The following PLEKHH3 variants were observed in gnomAD, a reference collection of about 807,000 sequenced individuals.
The protein encoded by PLEKHH3 is pleckstrin homology domain-containing family H member 3.
In PLEKHH3, 57 loss-of-function variants were observed where a neutral mutation model predicts 77.8. That is an observed-to-expected ratio of 0.73 (90% CI 0.59 to 0.91). The LOEUF (loss-of-function observed/expected upper bound fraction) is 0.91. PLEKHH3 is among the 40% of genes least tolerant of loss of function. PLEKHH3 has a pLI of 0.00. For synonymous variants in PLEKHH3, 467 were observed against 504.8 expected, an observed-to-expected ratio of 0.93 and a Z score of 1.00; for missense variants, 1,082 against 1,091.2, an observed-to-expected ratio of 0.99 and a Z score of 0.12.
In PLEKHH3 at chr17:42,671,483, G is replaced by T. The variant is rs769761569; in HGVS notation, c.1152C>A (p.Arg384=). Residue 384 remains arginine, a synonymous_variant, in exon 8 of 13, where the codon CGC becomes CGA. Transcript: ENST00000591022. The surrounding 1 kb of genome is among the most constrained non-coding windows in gnomAD (Gnocchi z 4.7). ...CCAGCGAGGGCACCAGCTCTCTGCC[G>T]CGCGTCCGGCCCAGCGCTTTCCGGA... ...RFIRKALGRT[R]GRELVPSLAE... 2 of 1,612,940 alleles carry T rather than the reference G, an allele frequency of 1.2e-6. No individual in the cohort carries two copies. The highest frequency in any genetic ancestry group is 2.7e-5 in the African/African-American group (2 of 74,912).
chr17:42,674,472 C>T (rs2143602784), intron 1 of PLEKHH3, 63 bp from the exon 2 acceptor site: 1 of 1,467,082 alleles, frequency 6.8e-7, no homozygotes, highest in Non-Finnish European at 9.2e-7. Flanking sequence ...TTCGTGCCTT[C>T]TGCCCTCAGG....
rs969863146 is a variant in PLEKHH3 at position 42,672,388 on chromosome 17, C to G, written c.774G>C (p.Pro258=). The change falls in exon 7 of 13, where the codon CCG becomes CCC. Residue 258 remains proline (P), a synonymous_variant. Transcript: ENST00000591022. ...CCTCCTCGCGCAGGGGTGCATAGCC[C>G]GGACCTGTGGGAGGGTGGGGGCGGA... ...PLPYGVSAPG[P]GYAPLREEAV... 27 of 1,513,522 alleles carry G rather than the reference C, an allele frequency of 1.8e-5. No individual in the cohort carries two copies. In the African/African-American group the frequency reaches 2.9e-4, roughly 16 times the overall value. The allele number at this position is 1,513,522 out of a possible 1,614,324, so 93.8% of individuals were successfully genotyped here.
Position 42,676,316 on chromosome 17 carries a change from G to A in PLEKHH3, c.162+86C>T, listed in dbSNP as rs796243002. 16 of 1,571,972 alleles carry A rather than the reference G, an allele frequency of 1.0e-5. No individual in the cohort carries two copies. Among genetic ancestry groups the A allele is most frequent in the Non-Finnish European group, 1.4e-5 (16 of 1,157,996 alleles). On this transcript the variant is annotated intron_variant, in intron 1 of 12. Coordinates refer to ENST00000591022, the MANE Select transcript of PLEKHH3 (RefSeq NM_024927.5). The surrounding 1 kb of genome is among the most constrained non-coding windows in gnomAD (Gnocchi z 6.6). Reference sequence around the variant, plus strand: ...ATCCCTAGTTCGCCAAGCGCGCAGCGTGTGGCTGGAGGCTGGAGCGGATCA... The same window carrying A: ...ATCCCTAGTTCGCCAAGCGCGCAGCATGTGGCTGGAGGCTGGAGCGGATCA...
In PLEKHH3 at chr17:42,676,602, G is replaced by C; in HGVS notation, c.-39C>G. ...TGCGGATGGGGGCGCGGGCAGCCGC[G>C]GCCGAGCAGTAGGGGGTCGGAGGAA... On this transcript the variant is annotated 5_prime_UTR_variant, in exon 1 of 13. Transcript: ENST00000591022. The surrounding 1 kb of genome is among the most constrained non-coding windows in gnomAD (Gnocchi z 6.6). 6.5e-7 allele frequency: 1 copy of C among 1,539,216 alleles called. No individual in the cohort carries two copies. The highest frequency in any genetic ancestry group is 1.2e-5 in the South Asian group (1 of 84,024).
rs1254414712 is a variant in PLEKHH3 at position 42,676,514 on chromosome 17, A to G, written c.50T>C (p.Phe17Ser). The change falls in exon 1 of 13, where the codon TTC becomes TCC. Residue 17 changes from phenylalanine (F) to serine (S), a missense_variant. By Grantham distance (155) the Phe-to-Ser change is radical. This residue lies in a region of PLEKHH3 where 344 missense variants were observed against 320.8 expected (regional missense o/e 1.07). Coordinates refer to ENST00000591022, the MANE Select transcript of PLEKHH3 (RefSeq NM_024927.5). The surrounding 1 kb of genome is among the most constrained non-coding windows in gnomAD (Gnocchi z 6.6). Reference sequence around the variant, plus strand: ...CCCGTAGTCCCGGTGCAGAAGAGTGAAGCCTCGACGGCAGCAGAGAAGCCA... The same window carrying G: ...CCCGTAGTCCCGGTGCAGAAGAGTGGAGCCTCGACGGCAGCAGAGAAGCCA... ...LWWLLCCRRG[F>S]TLLHRDYGDG... is the part of the protein sequence containing the mutation. 1.2e-6 allele frequency: 2 copies of G among 1,601,220 alleles called. No homozygotes were observed. Among genetic ancestry groups the G allele is most frequent in the South Asian group, 1.1e-5 (1 of 89,360 alleles).
intron 6 of PLEKHH3, 113 bp downstream of exon 6, chr17:42,673,063 G>C (rs1186366120): frequency 7.4e-7 from 1 of 1,343,608 alleles, no homozygotes; most frequent in Non-Finnish European, 9.7e-7. Flanking sequence ...CGAAAAGTGA[G>C]GAGCTGGCAG....
Position 42,668,241 on chromosome 17 carries a change from G to A in PLEKHH3, c.2268C>T (p.Cys756=), listed in dbSNP as rs2052598862. The part of the protein sequence containing the change: ...YLANPSPERP[C]SSSSPPCQDL... ...CTTGGCATGGAGGAGAAGAGCTGCT[G>A]CAGGGCCTCTCGGGGGAGGGGTTGG... Residue 756 remains cysteine, a synonymous_variant, in exon 13 of 13, where the codon TGC becomes TGT. Coordinates refer to ENST00000591022, the MANE Select transcript of PLEKHH3 (RefSeq NM_024927.5). The A allele has an allele frequency of 1.9e-6, 3 of 1,560,182 alleles. No individual in the cohort carries two copies. The East Asian group carries it at 7.5e-5, about 39-fold the overall frequency.
chr17:42,673,768 A>C lies in PLEKHH3; in HGVS notation c.365T>G (p.Phe122Cys), dbSNP rs1299781159. 1 of 1,597,186 alleles carries C rather than the reference A, an allele frequency of 6.3e-7. No individual in the cohort carries two copies. Residue 122 changes from phenylalanine to cysteine, a missense_variant, in exon 4 of 13, where the codon TTT becomes TGT. Phe to Cys is a radical substitution (Grantham distance 205). Coordinates refer to ENST00000591022, the MANE Select transcript of PLEKHH3 (RefSeq NM_024927.5). ...RPWLPPRRAW[F>C]VLTRDSLDQF... is the part of the protein sequence containing the mutation. ...ATCCAGGGAGTCCCGCGTGAGCACA[A>C]ACCAGGCTCGGCGCGGGGGCAGCCA...
intron 6 of PLEKHH3, 141 bp downstream of exon 6, chr17:42,673,035 A>G: frequency 8.1e-7 from 1 of 1,227,836 alleles, no homozygotes; most frequent in East Asian, 2.8e-5. Context: ...GCCAGCTTCC[A>G]GTTTCACCTT....
chr17:42,670,196 T>C lies in PLEKHH3; in HGVS notation c.1735A>G (p.Arg579Gly). 8.7e-7 allele frequency: 1 copy of C among 1,148,662 alleles called. No individual in the cohort carries two copies. The highest frequency in any genetic ancestry group is 1.1e-6 in the Non-Finnish European group (1 of 935,550). The allele number at this position is 1,148,662 out of a possible 1,614,324, so 71.2% of individuals were successfully genotyped here. ...PREDPPRPTP[R>G]PPPSAALLAG... ...AGCAGGGCAGCGGAAGGGGGCGGCC[T>C]GGGGGTCGGGCGGGGCGGGTCTTCG... The change falls in exon 11 of 13, where the codon AGG (arginine) becomes GGG (glycine). Residue 579 changes from arginine to glycine, a missense_variant. This residue lies in a region of PLEKHH3 where 733 missense variants were observed against 750.0 expected (regional missense o/e 0.98). Coordinates refer to ENST00000591022, the MANE Select transcript of PLEKHH3 (RefSeq NM_024927.5).
chr17:42,673,997 C>T lies in PLEKHH3; in HGVS notation c.235G>A (p.Glu79Lys), dbSNP rs2052765548. The stretch of plus-strand genomic sequence containing the variant: ...TTCTCCGGGATGAGGCTCCAAGTCT[C>T]CTCCCAGCTCTGCAGCCTGGGCCAG... ...PVSNRLQSWE[E>K]TWSLIPEKGL... is the part of the protein sequence containing the mutation. Residue 79 changes from glutamate (E) to lysine (K), a missense_variant, in exon 3 of 13, where the codon GAG becomes AAG. Coordinates refer to ENST00000591022, the MANE Select transcript of PLEKHH3 (RefSeq NM_024927.5). 2 of 1,613,312 alleles carry T rather than the reference C, an allele frequency of 1.2e-6. No individual in the cohort carries two copies. The highest frequency in any genetic ancestry group is 1.3e-5 in the African/African-American group (1 of 75,026).
intron 12 of PLEKHH3, 29 bp from the exon 13 acceptor site, chr17:42,668,332 C>T: frequency 6.8e-7 from 1 of 1,477,752 alleles, no homozygotes; most frequent in Non-Finnish European, 8.9e-7. Flanking sequence ...CAGTGTGCAA[C>T]AGGGGCTGCC....
rs1241861596 is a variant in PLEKHH3, at chr17:42,671,257, C to G, written c.1284+94G>C. The G allele has an allele frequency of 6.5e-7, 1 of 1,538,380 alleles. No individual in the cohort carries two copies. The highest frequency in any genetic ancestry group is 2.3e-5 in the East Asian group (1 of 43,982). On this transcript the variant is annotated intron_variant, in intron 8 of 12. Coordinates refer to ENST00000591022, the MANE Select transcript of PLEKHH3 (RefSeq NM_024927.5). This position sits in a 1 kb window ranked among gnomAD's most constrained non-coding sequence, Gnocchi z 4.7. ...CCCTCCCTTACCAAAATAATCTAGA[C>G]TCGGGGCAAACCTAGGGTCCAGGAA...
intron 7 of PLEKHH3, 34 bp downstream of exon 7, chr17:42,672,052 G>C (rs1021890320): frequency 7.0e-7 from 1 of 1,436,866 alleles, no homozygotes; most frequent in Admixed American, 2.8e-5. Flanking sequence ...GTAGCTCCTC[G>C]CCTAGGCCGT....
chr17:42,672,269 G>A lies in PLEKHH3; in HGVS notation c.893C>T (p.Pro298Leu). The A allele has an allele frequency of 6.4e-7, 1 of 1,550,652 alleles. No homozygotes were observed. Among genetic ancestry groups the A allele is most frequent in the Non-Finnish European group, 8.7e-7 (1 of 1,146,986 alleles). ...CAGGAAGAGTTCATCCCGGAGCGCG[G>A]GCAAGTCCCGGCAGGTTTGGAGCAC... ...QGVLQTCRDL[P>L]ALRDELFLQL... The change falls in exon 7 of 13, where the codon CCC becomes CTC. Residue 298 changes from proline to leucine, a missense_variant. This residue lies in a region of PLEKHH3 where 733 missense variants were observed against 750.0 expected (regional missense o/e 0.98). Transcript: ENST00000591022.
rs2052593664 is a variant in PLEKHH3 at position 42,668,085 on chromosome 17, C to T, written c.*42G>A. The T allele has an allele frequency of 7.3e-7, 1 of 1,366,190 alleles. No individual in the cohort carries two copies. The allele number at this position is 1,366,190 out of a possible 1,614,324, so 84.6% of individuals were successfully genotyped here. A position where few individuals can be genotyped will look rare whatever the true frequency, so the allele number is the denominator to read the frequency against. On this transcript the variant is annotated 3_prime_UTR_variant, in exon 13 of 13. Transcript: ENST00000591022. ...CCTCAAATCTCAGAGCAGTCCTGGC[C>T]CAGGCTGCAGGCAGGAGGGAAGTCG...
In PLEKHH3 at chr17:42,676,815, G is replaced by A. The variant is rs907386638; in HGVS notation, c.-252C>T. On this transcript the variant is annotated 5_prime_UTR_variant, in exon 1 of 13. Coordinates refer to ENST00000591022, the MANE Select transcript of PLEKHH3 (RefSeq NM_024927.5). This position sits in a 1 kb window ranked among gnomAD's most constrained non-coding sequence, Gnocchi z 6.6. Reference sequence around the variant, plus strand: ...GCGTCCAGGGCCCCGGGAGAGGAGGGAGCAATGTCCGGAGCTGGGAAGTAG... The same window carrying A: ...GCGTCCAGGGCCCCGGGAGAGGAGGAAGCAATGTCCGGAGCTGGGAAGTAG... 5.6e-5 allele frequency: 32 copies of A among 566,504 alleles called. No individual in the cohort carries two copies. The highest frequency in any genetic ancestry group is 5.5e-4 in the African/African-American group (29 of 53,202). 35.1% of individuals were successfully genotyped at this position (566,504 alleles called of 1,614,324 possible).
chr17:42,669,736 G>A (rs1462786299), intron 11 of PLEKHH3, 115 bp from the exon 12 acceptor site: 1 of 1,453,938 alleles, frequency 6.9e-7, no homozygotes. Flanking sequence ...TTCACAGCAC[G>A]TGTGTGGAGG....
intron 7 of PLEKHH3, 63 bp downstream of exon 7, chr17:42,672,023 T>G (rs1178882443): frequency 3.7e-6 from 5 of 1,361,272 alleles, no homozygotes; most frequent in Non-Finnish European, 4.9e-6. Context: ...CAAAAGACCT[T>G]TCATTCTCTC....
Sources: gnomAD v4.1 joint callset for allele counts on GRCh38, gnomAD v4.1.1 for gene constraint, gnomAD v4.1.1 regional missense constraint, Gnocchi (gnomAD v3.1) non-coding constraint, MANE v1.5 for transcripts, NCBI Gene and HGNC (gene_info 2026-07-23, HGNC 2026-07-21) for gene names.